Variants in PTPRT observed in about 807,000 individuals in gnomAD.
PTPRT encodes the protein protein tyrosine phosphatase receptor type T.
Under a neutral mutation model 176.8 loss-of-function variants are expected in PTPRT, and 56 were observed. The ratio of observed to expected loss-of-function variants is 0.32; its 90% CI spans 0.26 to 0.40. PTPRT has a LOEUF of 0.40. Among genes scored for constraint, PTPRT ranks in the 10% least tolerant of loss-of-function variants. The pLI, the probability that PTPRT is intolerant of heterozygous loss-of-function variation, is 1.00. For synonymous variants in PTPRT, 783 were observed against 739.0 expected (o/e 1.06, Z -0.96); for missense variants, 1,540 against 1,908.2 (o/e 0.81, Z 3.60).
chr20:42,730,630 T>C (rs956435950), intron 6 of PTPRT, among the ~76,000 whole-genome samples: 1 of 152,140 alleles, frequency 6.6e-6, no homozygotes, highest in African/African-American at 2.4e-5. Flanking sequence ...GTTCACTTTG[T>C]GGTAAACACT....
At position 42,880,269 on chromosome 20, in the gene PTPRT, T is replaced by C. The variant is rs78515002; in HGVS notation, c.214+5538A>G. Among the ~76,000 whole-genome samples the C allele has an allele frequency of 4.5e-4, 69 of 152,228 alleles. No individual in the cohort carries two copies. In the East Asian group the frequency reaches 0.01, roughly 22 times the overall value. On this transcript the variant is annotated intron_variant, in intron 2 of 30. Transcript: ENST00000373187. ...GTCTGCTGAAACCCCAGGAAACTCA[T>C]AGAACCCTAGGGAAGAGGGAGCTCC...
chr20:42,900,431 C>T (rs1294931895), intron 1 of PTPRT, among the ~76,000 whole-genome samples: 2 of 152,146 alleles, frequency 1.3e-5, no homozygotes, highest in African/African-American at 2.4e-5. Flanking sequence ...GGTATGAATG[C>T]CCAAGTCCTG....
intron 6 of PTPRT, among the ~76,000 whole-genome samples, chr20:42,708,004 CA>C (rs1386400146): frequency 6.6e-6 from 1 of 152,082 alleles, no homozygotes; most frequent in Non-Finnish European, 1.5e-5. Context: ...AAAACCAATA[CA>C]GGTAGGTACA....
chr20:42,769,445 T>A (rs1236226829), intron 5 of PTPRT, among the ~76,000 whole-genome samples: 1 of 152,156 alleles, frequency 6.6e-6, no homozygotes, highest in Non-Finnish European at 1.5e-5. Flanking sequence ...CCTATTGAAA[T>A]GCTAAAATTA....
intron 8 of PTPRT, among the ~76,000 whole-genome samples, chr20:42,462,782 C>T (rs1467367602): frequency 6.6e-6 from 1 of 152,158 alleles, no homozygotes; most frequent in Non-Finnish European, 1.5e-5. Flanking sequence ...ATGTTGGCCA[C>T]ACACTACTTA....
At chr20:42,124,588 TGTA>T (rs1166554727) in intron 19 of PTPRT, among the ~76,000 whole-genome samples, 1 of 152,192 alleles carries the variant, frequency 6.6e-6, no homozygotes, top group Admixed American at 6.5e-5. Context: ...AAGATCCAAT[TGTA>T]GAGAAATGAT....
chr20:42,145,021 T>C (rs999818404), intron 17 of PTPRT, among the ~76,000 whole-genome samples: 7 of 152,162 alleles, frequency 4.6e-5, no homozygotes, highest in African/African-American at 1.7e-4. Context: ...GTGAGTCTTT[T>C]CCTAGAGTTG....
intron 2 of PTPRT, among the ~76,000 whole-genome samples, 153 bp downstream of exon 2, chr20:42,885,654 G>A (rs2079089817): frequency 1.3e-5 from 2 of 152,170 alleles, no homozygotes; most frequent in Non-Finnish European, 2.9e-5. Context: ...TTCAGCCTTG[G>A]TTTGACCACC....
intron 1 of PTPRT, among the ~76,000 whole-genome samples, chr20:43,062,110 G>A (rs964521242): frequency 1.3e-5 from 2 of 152,214 alleles, no homozygotes; most frequent in African/African-American, 4.8e-5. Context: ...GGACTGCAAA[G>A]AGGAAGGAGA....
At chr20:42,714,785 C>A (rs1486434285) in intron 6 of PTPRT, among the ~76,000 whole-genome samples, 2 of 152,122 alleles carry the variant, frequency 1.3e-5, no homozygotes, top group African/African-American at 2.4e-5. Context: ...AACTGAGGAA[C>A]CCGAATTAGA....
chr20:42,595,051 A>G (rs1251014972), intron 7 of PTPRT, among the ~76,000 whole-genome samples: 1 of 152,030 alleles, frequency 6.6e-6, no homozygotes, highest in African/African-American at 2.4e-5. Context: ...CTGGGGGTGA[A>G]CCTAGGGGCT....
chr20:42,756,321 G>T, intron 6 of PTPRT, 141 bp downstream of exon 6: 2 of 858,688 alleles, frequency 2.3e-6, no homozygotes, highest in Non-Finnish European at 3.3e-6. Context: ...AGTTTGTGTT[G>T]GGGAGGGAGG....
intron 8 of PTPRT, among the ~76,000 whole-genome samples, chr20:42,466,422 C>T (rs749255877): frequency 1.7e-4 from 26 of 152,092 alleles, no homozygotes; most frequent in Non-Finnish European, 3.2e-4. Context: ...TATAACCATA[C>T]AGAGAAAAGA....
intron 3 of PTPRT, 100 bp from the exon 4 acceptor site, chr20:42,780,399 T>C: frequency 1.2e-6 from 1 of 868,290 alleles, no homozygotes; most frequent in South Asian, 1.5e-5. Context: ...CAACTTCCCA[T>C]CAGAAGCAAC....
At chr20:43,119,495 A>T (rs2013177818) in intron 1 of PTPRT, among the ~76,000 whole-genome samples, 1 of 152,188 alleles carries the variant, frequency 6.6e-6, no homozygotes, top group Admixed American at 6.5e-5. Flanking sequence ...GGATTCAAGG[A>T]AGAATCCTAT....
intron 11 of PTPRT, 132 bp from the exon 12 acceptor site, chr20:42,316,128 G>T: frequency 9.8e-7 from 1 of 1,022,502 alleles, no homozygotes; most frequent in Non-Finnish European, 1.4e-6. Context: ...CTCCAGTCCT[G>T]AGCATCAGAT....
chr20:42,384,372 A>T (rs2058723225), intron 9 of PTPRT, among the ~76,000 whole-genome samples: 1 of 152,224 alleles, frequency 6.6e-6, no homozygotes, highest in African/African-American at 2.4e-5. Flanking sequence ...ATGTGAGGTC[A>T]GAAGGTGGCT....
chr20:42,066,962 C>CT, the PTPRT span, among the ~76,000 whole-genome samples: 8 of 151,896 alleles, frequency 5.3e-5, no homozygotes, highest in African/African-American at 7.3e-5. Flanking sequence ...AAATGTCTTT[C>CT]TTTTTTTTGG....
chr20:42,674,920 TATATGAAAGGGCAATTTGAGCAC>T (rs1335937539), intron 7 of PTPRT, among the ~76,000 whole-genome samples: 2,825 of 152,182 alleles, frequency 0.019, 93 homozygotes, highest in African/African-American at 0.066. Context: ...ACCCAATTAA[TATATGAAAGGGCAATTTGAGCAC>T]AACACGAATT....
Sources: allele counts gnomAD v4.1 joint callset (sites outside exome capture counted in the v4.1 genomes callset), GRCh38; gene constraint gnomAD v4.1.1; transcripts MANE v1.5; gene names NCBI Gene and HGNC (gene_info 2026-07-23, HGNC 2026-07-21).